The following WDR72 variants were observed in gnomAD, a reference collection of about 807,000 sequenced individuals.
The protein encoded by WDR72 is WD repeat domain 72.
A neutral mutation model predicts 124.2 loss-of-function variants in WDR72; 120 were observed. The ratio of observed to expected loss-of-function variants is 0.97; its 90% CI spans 0.83 to 1.12. WDR72 has a LOEUF of 1.12. Ranked by LOEUF, WDR72 falls within the 50% of genes most tolerant of loss-of-function variation. The pLI is 0.00. For synonymous variants in WDR72, 452 were observed against 441.7 expected (o/e 1.02, Z -0.29); for missense variants, 1,387 against 1,278.8 (o/e 1.08, Z -1.29).
chr15:53,745,643 T>C lies in WDR72; in HGVS notation c.-12-12482A>G, dbSNP rs903006539. On this transcript the variant is annotated intron_variant, in intron 1 of 19. Transcript: ENST00000360509. ...GACATGGTTATACTAAAAATTATTG[T>C]TTATTGTATGAGACATGCTTATAGA... Among the ~76,000 whole-genome samples the C allele has an allele frequency of 9.2e-5, 14 of 152,326 alleles. 1 individual carries two copies. The highest frequency in any genetic ancestry group is 6.5e-4 in the Admixed American group (10 of 15,294).
At chr15:53,641,986 T>G (rs1405838106) in intron 14 of WDR72, among the ~76,000 whole-genome samples, 1 of 151,888 alleles carries the variant, frequency 6.6e-6, no homozygotes, top group Non-Finnish European at 1.5e-5. Context: ...CAGAAAAAAA[T>G]GTTAAATAAT....
chr15:53,653,241 C>T (rs1160601172), intron 14 of WDR72, among the ~76,000 whole-genome samples: 1 of 152,106 alleles, frequency 6.6e-6, no homozygotes, highest in East Asian at 1.9e-4. Context: ...TTTCTGAATG[C>T]CTTCCACGTG....
chr15:53,641,426 A>C (rs1374822079), intron 14 of WDR72, among the ~76,000 whole-genome samples: 2 of 152,040 alleles, frequency 1.3e-5, no homozygotes, highest in Non-Finnish European at 2.9e-5. Flanking sequence ...TCTGAGAAGG[A>C]AGAAGGAAGG....
intron 1 of WDR72, among the ~76,000 whole-genome samples, chr15:53,754,378 A>C (rs1253868762): frequency 6.6e-6 from 1 of 152,128 alleles, no homozygotes; most frequent in Non-Finnish European, 1.5e-5. Context: ...GGGAGACACG[A>C]AAGGGCTTGC....
At chr15:53,634,176 C>T (rs1417038007) in intron 14 of WDR72, among the ~76,000 whole-genome samples, 1 of 152,114 alleles carries the variant, frequency 6.6e-6, no homozygotes, top group Non-Finnish European at 1.5e-5. Context: ...ATAACCTGGA[C>T]ATAAACAACA....
intron 14 of WDR72, among the ~76,000 whole-genome samples, chr15:53,638,223 G>C (rs1400091240): frequency 1.3e-5 from 2 of 152,128 alleles, no homozygotes; most frequent in Non-Finnish European, 2.9e-5. Context: ...ATTAGACAAA[G>C]TCTTTTTTCA....
chr15:53,736,924 G>A (rs2018371461), intron 1 of WDR72, among the ~76,000 whole-genome samples: 1 of 150,496 alleles, frequency 6.6e-6, no homozygotes, highest in South Asian at 2.1e-4. Flanking sequence ...AATATGGAAA[G>A]GAAAAAACTT....
intron 18 of WDR72, among the ~76,000 whole-genome samples, chr15:53,573,319 T>C (rs1054704850): frequency 1.3e-5 from 2 of 152,212 alleles, no homozygotes; most frequent in African/African-American, 2.4e-5. Flanking sequence ...ATTGTTCATA[T>C]GTTGCATCAA....
At chr15:53,702,452 C>T (rs1402102773) in intron 11 of WDR72, 98 bp from the exon 12 acceptor site, 9 of 1,010,608 alleles carry the variant, frequency 8.9e-6, no homozygotes, top group South Asian at 1.4e-5. Context: ...AAGGAAATTA[C>T]ATATAATTAA....
At chr15:53,624,138 A>T (rs2014115979) in intron 14 of WDR72, among the ~76,000 whole-genome samples, 1 of 152,152 alleles carries the variant, frequency 6.6e-6, no homozygotes, top group Non-Finnish European at 1.5e-5. Flanking sequence ...GAAGAAGGGT[A>T]AGAAGGTATG....
chr15:53,579,739 A>G (rs1044136765), intron 18 of WDR72, among the ~76,000 whole-genome samples: 1 of 151,878 alleles, frequency 6.6e-6, no homozygotes, highest in African/African-American at 2.4e-5. Context: ...TGACTCAAAG[A>G]CTCTATGAGT....
intron 18 of WDR72, among the ~76,000 whole-genome samples, chr15:53,537,462 T>C (rs1892822851): frequency 6.6e-6 from 1 of 152,180 alleles, no homozygotes; most frequent in Admixed American, 6.5e-5. Flanking sequence ...GAAATGTATC[T>C]AAATGCTATT....
intron 14 of WDR72, among the ~76,000 whole-genome samples, chr15:53,655,320 A>G (rs1178169751): frequency 1.3e-5 from 2 of 151,590 alleles, no homozygotes; most frequent in Non-Finnish European, 2.9e-5. Flanking sequence ...GATCTGGTTT[A>G]ATAAAAGATA....
intron 18 of WDR72, among the ~76,000 whole-genome samples, chr15:53,529,164 A>ATATATTTTTTTTTTTT (rs59003623): frequency 1.2e-4 from 9 of 78,150 alleles, no homozygotes; most frequent in African/African-American, 4.5e-4. Context: ...ATATATATAT[A>ATATATTTTTTTTTTTT]TTTTTTTTTT....
chr15:53,694,601 A>C (rs1334818455), intron 13 of WDR72, among the ~76,000 whole-genome samples: 1 of 152,146 alleles, frequency 6.6e-6, no homozygotes, highest in Non-Finnish European at 1.5e-5. Flanking sequence ...CAAAAGGCTG[A>C]CCTCCATCTG....
chr15:53,760,608 A>T (rs2019043941), upstream of WDR72, among the ~76,000 whole-genome samples: 1 of 152,232 alleles, frequency 6.6e-6, no homozygotes, highest in East Asian at 1.9e-4. Context: ...TTGATTCAAA[A>T]TCTTGGCTAT....
intron 14 of WDR72, among the ~76,000 whole-genome samples, chr15:53,661,309 T>C (rs535789464): frequency 6.6e-6 from 1 of 152,318 alleles, no homozygotes; most frequent in East Asian, 1.9e-4. Context: ...CTCAGTCTTC[T>C]TCCACTCATG....
At chr15:53,619,208 A>G (rs2013888552) in intron 14 of WDR72, among the ~76,000 whole-genome samples, 1 of 151,652 alleles carries the variant, frequency 6.6e-6, no homozygotes. Context: ...CTTTGTGGAT[A>G]TGGCTCTGCT....
intron 1 of WDR72, among the ~76,000 whole-genome samples, chr15:53,751,919 G>C (rs1470333978): frequency 1.3e-5 from 2 of 152,174 alleles, no homozygotes; most frequent in East Asian, 3.8e-4. Context: ...TAATAAGGTT[G>C]ATGTGAGTAA....
Sources: allele counts gnomAD v4.1 joint callset (sites outside exome capture counted in the v4.1 genomes callset), GRCh38; gene constraint gnomAD v4.1.1; transcripts MANE v1.5; gene names NCBI Gene and HGNC (gene_info 2026-07-23, HGNC 2026-07-21).